Variants in ZNF367 observed in about 807,000 individuals in gnomAD.
The protein encoded by ZNF367 is C2H2 zinc finger protein ZFF29.
In ZNF367, 11 loss-of-function variants were observed where a neutral mutation model predicts 31.8. The observed-to-expected ratio is 0.35, with a 90% CI of 0.22 to 0.57. ZNF367 has a LOEUF of 0.57. Among genes scored for constraint, ZNF367 ranks in the 20% least tolerant of loss-of-function variants. The pLI is 0.85. For missense variants in ZNF367, 353 were observed against 484.1 expected (o/e 0.73, Z 2.54); for synonymous variants, 199 against 202.4 (o/e 0.98, Z 0.14).
intron 1 of ZNF367, among the ~76,000 whole-genome samples, chr9:96,403,228 A>G (rs1419554654): frequency 6.6e-6 from 1 of 152,138 alleles, no homozygotes; most frequent in Non-Finnish European, 1.5e-5. Context: ...TTGGCCTCCC[A>G]AAGTGCTGGA....
Position 96,418,098 on chromosome 9 carries a change from CTCGCTCTGCTCCGAGTCGCAGGCTCAG to C in ZNF367, c.-93_-67del, listed in dbSNP as rs1392364672. 7.7e-7 allele frequency: 1 copy of C among 1,293,780 alleles called. No individual in the cohort carries two copies. Among genetic ancestry groups the C allele is most frequent in the Non-Finnish European group, 9.8e-7 (1 of 1,020,602 alleles). The allele number at this position is 1,293,780 out of a possible 1,614,324, so 80.1% of individuals were successfully genotyped here. A position where few individuals can be genotyped will look rare whatever the true frequency, so the allele number is the denominator to read the frequency against. On this transcript the variant is annotated 5_prime_UTR_variant, in exon 1 of 5. The change abolishes the stop of an existing upstream ORF in the 5' untranslated region. Coordinates refer to ENST00000375256, the MANE Select transcript of ZNF367 (RefSeq NM_153695.4). ...CTCCTGAGCACCGCTCTGCCCCTCA[CTCGCTCTGCTCCGAGTCGCAGGCTCAG>C]TCCTGCCGGCTCATGGCAGACTGAC...
rs73654888 is a variant in ZNF367, at chr9:96,390,405, G to C, written c.831-1946C>G. The stretch of plus-strand genomic sequence containing the variant: ...AAAGATAAGTTCAGCAAGTCAGCAG[G>C]AACCAGGTAAGGAAGGACTTTGAAT... On this transcript the variant is annotated intron_variant, in intron 4 of 4. Coordinates refer to ENST00000375256, the MANE Select transcript of ZNF367 (RefSeq NM_153695.4). 4.4e-3 allele frequency among the ~76,000 whole-genome samples: 666 copies of C among 152,258 alleles called. 3 individuals carry two copies. The highest frequency in any genetic ancestry group is 0.015 in the African/African-American group (626 of 41,548).
Position 96,418,092 on chromosome 9 carries a change from C to T in ZNF367, c.-60G>A. On this transcript the variant is annotated 5_prime_UTR_variant, in exon 1 of 5. Transcript: ENST00000375256. ...GCCGCACTCCTGAGCACCGCTCTGC[C>T]CCTCACTCGCTCTGCTCCGAGTCGC... 3 of 1,314,908 alleles carry T rather than the reference C, an allele frequency of 2.3e-6. No individual in the cohort carries two copies. Among genetic ancestry groups the T allele is most frequent in the Non-Finnish European group, 2.9e-6 (3 of 1,033,304 alleles). The allele number at this position is 1,314,908 out of a possible 1,614,324, so 81.5% of individuals were successfully genotyped here. A position where few individuals can be genotyped will look rare whatever the true frequency, so the allele number is the denominator to read the frequency against.
In ZNF367 at chr9:96,386,246, T is replaced by TA. The variant is rs1831408271; in HGVS notation, c.*1990dup. 1 of 152,198 alleles carries TA rather than the reference T, an allele frequency of 6.6e-6. No homozygotes were observed. The highest frequency in any genetic ancestry group is 2.1e-4 in the South Asian group (1 of 4,828). The allele number at this position is 152,198 out of a possible 1,614,324, so 9.4% of individuals were successfully genotyped here. A position where few individuals can be genotyped will look rare whatever the true frequency, so the allele number is the denominator to read the frequency against. ...TAAAAAATGTTTATGAAAAAACTAT[T>TA]AGAGTTGACAAAAGCTGACTGGAGA... On this transcript the variant is annotated 3_prime_UTR_variant, in exon 5 of 5. Transcript: ENST00000375256.
At chr9:96,406,602 A>T (rs1831673723) in intron 1 of ZNF367, among the ~76,000 whole-genome samples, 1 of 152,214 alleles carries the variant, frequency 6.6e-6, no homozygotes, top group Admixed American at 6.6e-5. Flanking sequence ...CTTTAGATTC[A>T]GGCAGCGTAC....
chr9:96,404,810 C>T (rs34409187), intron 1 of ZNF367, among the ~76,000 whole-genome samples: 3,860 of 151,814 alleles, frequency 0.025, 71 homozygotes, highest in Middle Eastern at 0.065. Context: ...ACAAAGAAAA[C>T]GAAAGGCCAT....
At chr9:96,403,741 A>G (rs1831637952) in intron 1 of ZNF367, among the ~76,000 whole-genome samples, 1 of 152,232 alleles carries the variant, frequency 6.6e-6, no homozygotes, top group Non-Finnish European at 1.5e-5. Flanking sequence ...TCAACAAGGG[A>G]CCCAAGAACA....
chr9:96,415,478 C>CTTTT (rs1564146059), intron 1 of ZNF367, among the ~76,000 whole-genome samples: 6 of 65,518 alleles, frequency 9.2e-5, no homozygotes, highest in African/African-American at 2.8e-4. Context: ...TTAGTTTCTT[C>CTTTT]ATTTTTTTTT....
intron 1 of ZNF367, chr9:96,407,137 T>G (rs10990975): frequency 0.18 from 92,942 of 509,712 alleles, 8,714 homozygotes; most frequent in African/African-American, 0.28. Context: ...CTGGGCAACA[T>G]AGCAAGACCC....
At chr9:96,396,354 T>C (rs1482515337) in intron 2 of ZNF367, among the ~76,000 whole-genome samples, 1 of 152,202 alleles carries the variant, frequency 6.6e-6, no homozygotes, top group African/African-American at 2.4e-5. Flanking sequence ...CATTAAGTAA[T>C]CATTTTACTA....
chr9:96,399,967 C>T (rs777040220), intron 1 of ZNF367, among the ~76,000 whole-genome samples: 8 of 152,118 alleles, frequency 5.3e-5, no homozygotes, highest in Non-Finnish European at 8.8e-5. Context: ...AACAAAAACT[C>T]AGAAGGAAGG....
At chr9:96,401,635 C>A (rs1357202835) in intron 1 of ZNF367, among the ~76,000 whole-genome samples, 3 of 110,854 alleles carry the variant, frequency 2.7e-5, no homozygotes, top group African/African-American at 1.1e-4. Flanking sequence ...CCAGCCTGGG[C>A]AACAAGAGCG....
chr9:96,412,823 G>A (rs1047597823), intron 1 of ZNF367, among the ~76,000 whole-genome samples: 1 of 151,308 alleles, frequency 6.6e-6, no homozygotes, highest in African/African-American at 2.4e-5. Context: ...AGCCTCCCGA[G>A]TAGCCGGGAC....
intron 1 of ZNF367, among the ~76,000 whole-genome samples, chr9:96,416,080 T>C (rs1831824954): frequency 4.9e-5 from 7 of 142,432 alleles, no homozygotes; most frequent in Admixed American, 4.8e-4. Context: ...TGGTTTTTTT[T>C]TTTGTTGTTT....
intron 1 of ZNF367, among the ~76,000 whole-genome samples, chr9:96,404,292 C>T (rs1397442944): frequency 2.0e-5 from 3 of 151,922 alleles, no homozygotes; most frequent in African/African-American, 7.2e-5. Flanking sequence ...AACCCCGTCT[C>T]TACTAAAAGT....
At chr9:96,413,016 T>C (rs1831771306) in intron 1 of ZNF367, among the ~76,000 whole-genome samples, 1 of 152,164 alleles carries the variant, frequency 6.6e-6, no homozygotes. Context: ...GTATTTCTTA[T>C]GTCTACTTAT....
Position 96,407,684 on chromosome 9 carries a change from TAA to T in ZNF367, c.421-9372_421-9371del, listed in dbSNP as rs1831688322. The T allele has an allele frequency of 9.9e-6, 14 of 1,409,934 alleles. No homozygotes were observed. In the Admixed American group the frequency reaches 2.0e-4, roughly 20 times the overall value. The allele number at this position is 1,409,934 out of a possible 1,614,324, so 87.3% of individuals were successfully genotyped here. On this transcript the variant is annotated intron_variant, in intron 1 of 4. Transcript: ENST00000375256. ...CGTGCCCAGGGAGAAGCAGAAGTATTAAAAGTTATTCGAACAGGAAAGAAGGC... is the reference window on the plus strand; with the variant it reads ...CGTGCCCAGGGAGAAGCAGAAGTATTAAGTTATTCGAACAGGAAAGAAGGC...
chr9:96,391,132 T>G (rs1168285341), intron 4 of ZNF367, among the ~76,000 whole-genome samples: 4 of 152,304 alleles, frequency 2.6e-5, no homozygotes, highest in East Asian at 1.9e-4. Context: ...CTTATGTATT[T>G]TTATCCAAAC....
chr9:96,406,796 T>C (rs535636011), intron 1 of ZNF367, among the ~76,000 whole-genome samples: 1 of 151,454 alleles, frequency 6.6e-6, no homozygotes, highest in Non-Finnish European at 1.5e-5. Context: ...GTCAACAGAT[T>C]GAGACCATCC....
Sources: allele counts gnomAD v4.1 joint callset (sites outside exome capture counted in the v4.1 genomes callset), GRCh38; gene constraint gnomAD v4.1.1; transcripts MANE v1.5; gene names NCBI Gene and HGNC (gene_info 2026-07-23, HGNC 2026-07-21).